Variants in ADRA1B observed in about 807,000 individuals in gnomAD.
ADRA1B encodes adrenoceptor alpha 1B.
In ADRA1B, 17 loss-of-function variants were observed where a neutral mutation model predicts 17.9. The ratio of observed to expected loss-of-function variants is 0.95; its 90% CI spans 0.65 to 1.42. ADRA1B has a LOEUF of 1.42. Among genes scored for constraint, ADRA1B ranks in the 40% most tolerant of loss-of-function variants. The pLI is 0.00. For synonymous variants in ADRA1B, 366 were observed against 327.6 expected, an observed-to-expected ratio of 1.12 and a Z score of -1.27; for missense variants, 681 against 722.1, an observed-to-expected ratio of 0.94 and a Z score of 0.65.
chr5:159,920,088 C>G (rs957722661), intron 1 of ADRA1B, among the ~76,000 whole-genome samples: 2 of 152,152 alleles, frequency 1.3e-5, no homozygotes, highest in Non-Finnish European at 2.9e-5. Context: ...GGCCGAACCC[C>G]CAGCAAATAG....
intron 1 of ADRA1B, among the ~76,000 whole-genome samples, chr5:159,883,970 C>G (rs921596000): frequency 6.6e-6 from 1 of 152,212 alleles, no homozygotes; most frequent in African/African-American, 2.4e-5. Context: ...ATCACTTTTA[C>G]TTGACCCAGG....
At chr5:159,927,275 C>G (rs1338269597) in intron 1 of ADRA1B, among the ~76,000 whole-genome samples, 1 of 151,936 alleles carries the variant, frequency 6.6e-6, no homozygotes, top group African/African-American at 2.4e-5. Flanking sequence ...CCTGCAGAAG[C>G]AGGAAAAGAG....
upstream of ADRA1B, among the ~76,000 whole-genome samples, chr5:159,915,334 G>A (rs1300563029): frequency 1.3e-5 from 2 of 152,202 alleles, no homozygotes; most frequent in East Asian, 1.9e-4. Flanking sequence ...ATGGTGAAGA[G>A]TGTATTCTTT....
chr5:159,920,073 G>T (rs1024577207), intron 1 of ADRA1B, among the ~76,000 whole-genome samples: 9 of 152,162 alleles, frequency 5.9e-5, no homozygotes, highest in African/African-American at 2.2e-4. Context: ...AATGGTAGCT[G>T]CCTGGGCCGA....
intron 1 of ADRA1B, among the ~76,000 whole-genome samples, chr5:159,941,517 G>A (rs764683755): frequency 2.0e-5 from 3 of 152,178 alleles, no homozygotes; most frequent in African/African-American, 7.2e-5. Context: ...CCAGCAGTCC[G>A]ACTCCTAGTA....
At chr5:159,952,616 A>T (rs555833444) in intron 1 of ADRA1B, among the ~76,000 whole-genome samples, 39 of 152,318 alleles carry the variant, frequency 2.6e-4, no homozygotes, top group African/African-American at 9.1e-4. Context: ...CGATTTCAAC[A>T]TCTGTAAAAT....
intron 1 of ADRA1B, among the ~76,000 whole-genome samples, chr5:159,957,315 G>A (rs1755572947): frequency 6.6e-6 from 1 of 151,788 alleles, no homozygotes; most frequent in Non-Finnish European, 1.5e-5. Context: ...ACCAGCTGGG[G>A]CAACATGGTG....
At chr5:159,920,493 T>C (rs1754449676) in intron 1 of ADRA1B, among the ~76,000 whole-genome samples, 2 of 152,114 alleles carry the variant, frequency 1.3e-5, no homozygotes, top group Non-Finnish European at 2.9e-5. Context: ...TGCTATCTTG[T>C]TTCTCTTCTC....
chr5:159,953,536 G>T (rs1755490221), intron 1 of ADRA1B, among the ~76,000 whole-genome samples: 1 of 152,182 alleles, frequency 6.6e-6, no homozygotes, highest in African/African-American at 2.4e-5. Context: ...GTGGCAATCA[G>T]CACTGGGGTG....
upstream of ADRA1B, among the ~76,000 whole-genome samples, chr5:159,913,881 C>CCCTTACCCT (rs1331469839): frequency 3.3e-5 from 5 of 152,104 alleles, no homozygotes; most frequent in Middle Eastern, 3.2e-3. Context: ...TTTTATCCCA[C>CCCTTACCCT]CCTTACCCTC....
chr5:159,974,966 T>G (rs2113304234), downstream of ADRA1B, among the ~76,000 whole-genome samples: 1 of 152,254 alleles, frequency 6.6e-6, no homozygotes, highest in Non-Finnish European at 1.5e-5. Flanking sequence ...CTGTGCTTTG[T>G]CCAGTACCTT....
intron 1 of ADRA1B, among the ~76,000 whole-genome samples, chr5:159,942,838 C>T (rs554630808): frequency 8.6e-5 from 13 of 151,824 alleles, no homozygotes; most frequent in East Asian, 5.8e-4. Flanking sequence ...AGTAGGGATA[C>T]GAAATTAGGG....
intron 1 of ADRA1B, among the ~76,000 whole-genome samples, chr5:159,964,453 A>G (rs1020863963): frequency 6.6e-6 from 1 of 152,198 alleles, no homozygotes; most frequent in Admixed American, 6.5e-5. Context: ...AAATGATGCA[A>G]GTTTTAAAAT....
intron 1 of ADRA1B, among the ~76,000 whole-genome samples, chr5:159,931,970 G>A (rs890962697): frequency 7.2e-5 from 11 of 152,052 alleles, no homozygotes; most frequent in African/African-American, 2.2e-4. Flanking sequence ...TAGCACCATC[G>A]ATATAACCAT....
At chr5:159,975,306 C>A (rs144361074), downstream of ADRA1B, among the ~76,000 whole-genome samples, 1 of 152,280 alleles carries the variant, frequency 6.6e-6, no homozygotes, top group African/African-American at 2.4e-5. Context: ...GTTTAAAAAT[C>A]ACTGGTCTAG....
the ADRA1B span, among the ~76,000 whole-genome samples, chr5:159,985,085 A>G: frequency 6.6e-6 from 1 of 151,856 alleles, no homozygotes; most frequent in Non-Finnish European, 1.5e-5. Flanking sequence ...GGGTCCCCTT[A>G]ATGAACACAC....
the ADRA1B span, among the ~76,000 whole-genome samples, chr5:159,986,703 G>C: frequency 1.1e-4 from 16 of 152,300 alleles, no homozygotes; most frequent in African/African-American, 2.9e-4. Flanking sequence ...CCATGGACCA[G>C]ATATTGAGAA....
At chr5:159,908,526 C>T (rs559661821) in intron 1 of ADRA1B, among the ~76,000 whole-genome samples, 3 of 152,274 alleles carry the variant, frequency 2.0e-5, no homozygotes, top group Admixed American at 1.3e-4. Flanking sequence ...TCTTTCCCCA[C>T]GTGATGCCAG....
intron 1 of ADRA1B, among the ~76,000 whole-genome samples, chr5:159,920,333 GTCA>G (rs1402047033): frequency 6.6e-6 from 1 of 152,096 alleles, no homozygotes; most frequent in African/African-American, 2.4e-5. Flanking sequence ...TGCTCTTCAA[GTCA>G]TCAAGCCCAC....
Sources: gnomAD v4.1 joint callset for allele counts (sites outside exome capture counted in the v4.1 genomes callset) on GRCh38, gnomAD v4.1.1 for gene constraint, MANE v1.5 for transcripts, NCBI Gene and HGNC (gene_info 2026-07-23, HGNC 2026-07-21) for gene names.